ERAP1: variants seen among roughly 807,000 people sequenced by gnomAD.
The protein encoded by ERAP1 is endoplasmic reticulum aminopeptidase 1, also known as adipocyte-derived leucine aminopeptidase.
ERAP1 carries 86 observed loss-of-function variants against 103.7 expected under a neutral mutation model. That is an observed-to-expected ratio of 0.83 (90% CI 0.70 to 0.99). The LOEUF is 0.99. Ranked by LOEUF, ERAP1 falls within the 50% of genes least tolerant of loss-of-function variation. ERAP1 has a pLI of 0.00. For missense variants in ERAP1, 1,009 were observed against 1,128.4 expected, an observed-to-expected ratio of 0.89 and a Z score of 1.52; for synonymous variants, 398 against 402.4, an observed-to-expected ratio of 0.99 and a Z score of 0.13.
the ERAP1 span, among the ~76,000 whole-genome samples, chr5:96,891,795 T>A: frequency 6.6e-6 from 1 of 152,134 alleles, no homozygotes; most frequent in Non-Finnish European, 1.5e-5. Flanking sequence ...GCTAGAAATA[T>A]CAATCGAAAT....
the ERAP1 span, among the ~76,000 whole-genome samples, chr5:96,827,165 C>CT: frequency 1.3e-5 from 2 of 152,114 alleles, no homozygotes; most frequent in African/African-American, 2.4e-5. Flanking sequence ...ATCTTTCCTG[C>CT]TTTTTTGCTT....
the ERAP1 span, chr5:96,912,560 T>C: frequency 1.5e-4 from 154 of 1,055,050 alleles, no homozygotes; most frequent in Middle Eastern, 2.6e-4. Context: ...TATTGTGTTA[T>C]AGGACTTAAA....
the ERAP1 span, among the ~76,000 whole-genome samples, chr5:96,824,507 C>T: frequency 6.6e-5 from 10 of 152,328 alleles, no homozygotes; most frequent in South Asian, 2.1e-3. Flanking sequence ...GTCCATCCTT[C>T]CAAACCATCT....
the ERAP1 span, among the ~76,000 whole-genome samples, chr5:96,858,997 G>T: frequency 6.6e-6 from 1 of 151,262 alleles, no homozygotes; most frequent in African/African-American, 2.4e-5. Flanking sequence ...GCATGATATT[G>T]GTTGCTACAA....
chr5:96,929,280 G>T, the ERAP1 span, among the ~76,000 whole-genome samples: 1 of 152,110 alleles, frequency 6.6e-6, no homozygotes, highest in Non-Finnish European at 1.5e-5. Context: ...TCTGCCTTAT[G>T]CCCCTCAGCA....
At chr5:96,884,688 GC>G in the ERAP1 span, among the ~76,000 whole-genome samples, 1 of 151,762 alleles carries the variant, frequency 6.6e-6, no homozygotes, top group South Asian at 2.1e-4. Context: ...CTCCCAAGTA[GC>G]TGGGATTACA....
the ERAP1 span, among the ~76,000 whole-genome samples, chr5:96,868,592 T>C: frequency 0.27 from 41,586 of 152,150 alleles, 6,976 homozygotes; most frequent in East Asian, 0.57. Context: ...AGAGGGAATG[T>C]TTTATTTAAG....
chr5:96,769,913 T>A (rs1416403690), downstream of ERAP1: 1 of 150,864 alleles, frequency 6.6e-6, no homozygotes, highest in African/African-American at 2.4e-5. Context: ...ATATCGTTTT[T>A]TAAGGCTGAA....
the ERAP1 span, among the ~76,000 whole-genome samples, chr5:96,821,604 C>A: frequency 2.6e-5 from 4 of 152,240 alleles, no homozygotes; most frequent in South Asian, 8.3e-4. Context: ...CTAGAAGGAG[C>A]ACCAACATCA....
At chr5:96,921,528 T>C in the ERAP1 span, among the ~76,000 whole-genome samples, 3,986 of 152,334 alleles carry the variant, frequency 0.026, 175 homozygotes, top group African/African-American at 0.091. Context: ...GAGAAATGCA[T>C]ACTTAACTAA....
At chr5:96,834,319 C>A in the ERAP1 span, among the ~76,000 whole-genome samples, 931 of 152,322 alleles carry the variant, frequency 6.1e-3, 8 homozygotes, top group African/African-American at 0.021. Context: ...TTCCAGCTCT[C>A]CCACTTACTA....
exon 20 of ERAP1, chr5:96,760,941 TTTAGGTAAGATTAATCCAACTAAACAC>T (rs1767733677): frequency 6.6e-6 from 1 of 152,058 alleles, no homozygotes; most frequent in South Asian, 2.1e-4. Flanking sequence ...TTTCAGTACT[TTTAGGTAAGATTAATCCAACTAAACAC>T]TAGCATATGT....
At chr5:96,916,222 AAAAAACAAAAAACAAAAAC>A in the ERAP1 span, among the ~76,000 whole-genome samples, 1 of 122,480 alleles carries the variant, frequency 8.2e-6, no homozygotes, top group Non-Finnish European at 1.8e-5. Flanking sequence ...CTCCATCTCA[AAAAAACAAAAAACAAAAAC>A]AAAAACAAAA....
Position 96,776,274 on chromosome 5 carries a change from A to AAAT in ERAP1, c.*119_*121dup, listed in dbSNP as rs1475697331. 1.8e-5 allele frequency: 28 copies of AAAT among 1,529,660 alleles called. No individual in the cohort carries two copies. The highest frequency in any genetic ancestry group is 1.4e-5 in the Non-Finnish European group (16 of 1,144,514). The allele number at this position is 1,529,660 out of a possible 1,614,324, so 94.8% of individuals were successfully genotyped here. Reference sequence around the variant, plus strand: ...TATTCTTTTCACAGGGATAGTCAAAAAATGAGTTGAAGGGAAAAAAGTATC... The same window carrying AAAT: ...TATTCTTTTCACAGGGATAGTCAAAAAATAATGAGTTGAAGGGAAAAAAGTATC... On this transcript the variant is annotated 3_prime_UTR_variant, in exon 19 of 19. Transcript: ENST00000443439.
At chr5:96,855,938 G>C in the ERAP1 span, among the ~76,000 whole-genome samples, 1 of 152,136 alleles carries the variant, frequency 6.6e-6, no homozygotes, top group Non-Finnish European at 1.5e-5. Flanking sequence ...GGGAATGACT[G>C]TGTGTGGCCA....
chr5:96,818,861 A>G, the ERAP1 span, among the ~76,000 whole-genome samples: 1 of 152,000 alleles, frequency 6.6e-6, no homozygotes, highest in Non-Finnish European at 1.5e-5. Context: ...ATTGAGGTCA[A>G]CCTAAATTCC....
the ERAP1 span, among the ~76,000 whole-genome samples, chr5:96,878,079 A>G: frequency 6.6e-6 from 1 of 152,174 alleles, no homozygotes; most frequent in African/African-American, 2.4e-5. Flanking sequence ...GATTCCCCCA[A>G]ATTAACTATG....
At chr5:96,766,071 C>T in intron 19 of ERAP1, 1 of 1,605,002 alleles carries the variant, frequency 6.2e-7, no homozygotes, top group Non-Finnish European at 8.5e-7. Flanking sequence ...TAAAGCTGAA[C>T]ATAGAGACAA....
At chr5:96,930,364 A>G in the ERAP1 span, among the ~76,000 whole-genome samples, 1 of 152,178 alleles carries the variant, frequency 6.6e-6, no homozygotes, top group Non-Finnish European at 1.5e-5. Flanking sequence ...TTTTTTGTAT[A>G]TGGGACCCAT....
Sources: gnomAD v4.1 joint callset for allele counts (sites outside exome capture counted in the v4.1 genomes callset) on GRCh38, gnomAD v4.1.1 for gene constraint, MANE v1.5 for transcripts, NCBI Gene and HGNC (gene_info 2026-07-23, HGNC 2026-07-21) for gene names.